The following NPIPB15 variants were observed in gnomAD, a reference collection of about 807,000 sequenced individuals.
NPIPB15 encodes nuclear pore complex interacting protein family member B15, also known as nuclear pore complex-interacting protein family member B15.
NPIPB15 carries 5 observed loss-of-function variants against 35.9 expected under a neutral mutation model. That is an observed-to-expected ratio of 0.14 (90% CI 0.07 to 0.29). The LOEUF is 0.29. Ranked by LOEUF, NPIPB15 falls within the 10% of genes least tolerant of loss-of-function variation. NPIPB15 has a pLI of 1.00. For missense variants in NPIPB15, 100 were observed against 506.1 expected (o/e 0.20, Z 7.70); for synonymous variants, 43 against 182.0 (o/e 0.24, Z 6.15).
At chr16:74,380,976 C>T (rs1366214351) in intron 2 of NPIPB15, among the ~76,000 whole-genome samples, 3 of 151,984 alleles carry the variant, frequency 2.0e-5, no homozygotes, top group African/African-American at 7.3e-5. Flanking sequence ...AACCTCATCT[C>T]TACTAAAAAT....
At position 74,391,425 on chromosome 16, in the gene NPIPB15, C is replaced by T. The variant is rs561651026; in HGVS notation, c.677C>T (p.Ser226Leu). The T allele has an allele frequency of 1.1e-4, 180 of 1,609,330 alleles. No homozygotes were observed. Among genetic ancestry groups the T allele is most frequent in the Non-Finnish European group, 2.4e-5 (28 of 1,179,828 alleles). ...GCGGCAGCGGAGCATCGTCATTCTT[C>T]AGGATTGCCCTGCTGGCCCTACCTC... ...RMAAAEHRHS[S>L]GLPCWPYLTA... is the part of the protein sequence containing the mutation. Residue 226 changes from serine (S) to leucine (L), a missense_variant, in exon 8 of 8, where the codon TCA becomes TTA. Transcript: ENST00000692376.
At position 74,376,509 on chromosome 16, in the gene NPIPB15, T is replaced by G. The variant is rs1394031025; in HGVS notation, c.-860T>G. Among the ~76,000 whole-genome samples the G allele has an allele frequency of 6.7e-6, 1 of 149,888 alleles. No homozygotes were observed. Among genetic ancestry groups the G allele is most frequent in the African/African-American group, 2.5e-5 (1 of 40,792 alleles). On this transcript the variant is annotated 5_prime_UTR_variant, in exon 1 of 8. Coordinates refer to ENST00000692376, the MANE Select transcript of NPIPB15 (RefSeq NM_001306094.2). ...CCTCTGGGTATTGTGGGCAAATACC[T>G]TAGGAGAGAAGCTGATGAACTTTGT...
intron 1 of NPIPB15, among the ~76,000 whole-genome samples, chr16:74,377,578 C>G (rs1209474374): frequency 6.6e-6 from 1 of 152,108 alleles, no homozygotes; most frequent in Non-Finnish European, 1.5e-5. Flanking sequence ...CCTCTAATTG[C>G]TCCTAAGCCT....
At position 74,381,903 on chromosome 16, in the gene NPIPB15, T is replaced by C. The variant is rs544755734; in HGVS notation, c.249+205T>C. On this transcript the variant is annotated intron_variant, in intron 3 of 7. Coordinates refer to ENST00000692376, the MANE Select transcript of NPIPB15 (RefSeq NM_001306094.2). ...ATAGGTCGGTGTTTGTTTAATAGAA[T>C]GTCAACAGAGCTTTTGGTCAAAAAT... 6,948 of 720,528 alleles carry C rather than the reference T, an allele frequency of 9.6e-3. 46 individuals carry two copies. The highest frequency in any genetic ancestry group is 0.019 in the Middle Eastern group (47 of 2,470). The allele number at this position is 720,528 out of a possible 1,614,324, so 44.6% of individuals were successfully genotyped here. A position where few individuals can be genotyped will look rare whatever the true frequency, so the allele number is the denominator to read the frequency against.
At chr16:74,389,063 T>C (rs2012418101) in intron 5 of NPIPB15, among the ~76,000 whole-genome samples, 1 of 148,554 alleles carries the variant, frequency 6.7e-6, no homozygotes, top group Non-Finnish European at 1.5e-5. Flanking sequence ...GAAACTCGGT[T>C]CATACCAGCC....
rs1168966100 is a variant in NPIPB15 at position 74,377,359 on chromosome 16, T to C, written c.-23+13T>C. Among the ~76,000 whole-genome samples, 5 of 152,116 alleles carry C rather than the reference T, an allele frequency of 3.3e-5. No individual in the cohort carries two copies. The East Asian group carries it at 9.7e-4, about 30-fold the overall frequency. The stretch of plus-strand genomic sequence containing the variant: ...GACCAGAAATCAGGTTTGTGAAGGT[T>C]CCAGAGAGGACCTGTCCTTGCGAGG... On this transcript the variant is annotated intron_variant, in intron 1 of 7. Transcript: ENST00000692376.
intron 5 of NPIPB15, among the ~76,000 whole-genome samples, chr16:74,387,676 C>T (rs932956677): frequency 2.0e-5 from 3 of 152,026 alleles, no homozygotes; most frequent in Non-Finnish European, 2.9e-5. Context: ...GGGACAGGAC[C>T]CTGCTCCCAT....
intron 7 of NPIPB15, 30 bp from the exon 8 acceptor site, chr16:74,391,360 TG>T: frequency 6.3e-7 from 1 of 1,594,328 alleles, no homozygotes; most frequent in South Asian, 1.1e-5. Flanking sequence ...AATGAATATG[TG>T]TGAAAACATT....
chr16:74,384,357 AGTAT>A (rs1480619515), intron 3 of NPIPB15, among the ~76,000 whole-genome samples: 1 of 97,610 alleles, frequency 1.0e-5, no homozygotes, highest in Non-Finnish European at 2.0e-5. Context: ...AGTTGTGTGA[AGTAT>A]ATTCATGTCA....
chr16:74,388,526 G>T, intron 5 of NPIPB15: 2 of 944,524 alleles, frequency 2.1e-6, no homozygotes, highest in South Asian at 9.9e-5. Context: ...GCCAGAGTGT[G>T]ATTTTTTTTG....
In NPIPB15 at chr16:74,391,671, C is replaced by G; in HGVS notation, c.923C>G (p.Pro308Arg). The part of the protein sequence containing the change: ...LKEYLLVPLP[P>R]SPLPPSVDDN... ...GAGTATCTCCTGGTCCCTCTTCCAC[C>G]CTCTCCTCTTCCACCCTCAGTGGAT... The change falls in exon 8 of 8, where the codon CCC becomes CGC. Residue 308 changes from proline to arginine, a missense_variant. Transcript: ENST00000692376. The G allele has an allele frequency of 6.3e-7, 1 of 1,590,620 alleles. No individual in the cohort carries two copies. The highest frequency in any genetic ancestry group is 8.5e-7 in the Non-Finnish European group (1 of 1,170,350).
intron 5 of NPIPB15, among the ~76,000 whole-genome samples, chr16:74,389,446 C>T (rs1470304619): frequency 6.7e-6 from 1 of 149,212 alleles, no homozygotes; most frequent in Non-Finnish European, 1.5e-5. Flanking sequence ...GATCTTGGCT[C>T]ACTGCAACCT....
intron 5 of NPIPB15, among the ~76,000 whole-genome samples, chr16:74,386,482 A>G (rs1178371693): frequency 3.1e-4 from 37 of 120,138 alleles, no homozygotes; most frequent in African/African-American, 1.1e-3. Flanking sequence ...TTTTTGAGAC[A>G]GAGTCTCACT....
chr16:74,381,148 C>CAAAAAAA (rs1166274271), intron 2 of NPIPB15, among the ~76,000 whole-genome samples: 100 of 73,694 alleles, frequency 1.4e-3, no homozygotes, highest in African/African-American at 2.7e-3. Context: ...ACTCTGTCTC[C>CAAAAAAA]AAAAAAAAAA....
intron 5 of NPIPB15, chr16:74,388,667 G>A (rs1188523511): frequency 1.0e-6 from 1 of 956,686 alleles, no homozygotes; most frequent in Non-Finnish European, 1.2e-6. Flanking sequence ...ATCCCACATG[G>A]ACTGGTGGAT....
At chr16:74,377,596 C>T (rs1014246735) in intron 1 of NPIPB15, among the ~76,000 whole-genome samples, 7 of 152,054 alleles carry the variant, frequency 4.6e-5, no homozygotes, top group African/African-American at 1.4e-4. Flanking sequence ...CCTCACGCTC[C>T]CTTGCCCCAC....
intron 1 of NPIPB15, among the ~76,000 whole-genome samples, chr16:74,377,581 C>G (rs2011725671): frequency 6.6e-6 from 1 of 152,096 alleles, no homozygotes; most frequent in Non-Finnish European, 1.5e-5. Context: ...CTAATTGCTC[C>G]TAAGCCTCAC....
chr16:74,380,909 G>A (rs1415987719), intron 2 of NPIPB15, among the ~76,000 whole-genome samples: 2 of 152,392 alleles, frequency 1.3e-5, no homozygotes, highest in East Asian at 3.9e-4. Flanking sequence ...ACTTTCAGAG[G>A]CCGAGGCAGG....
chr16:74,378,353 T>G (rs2011792869), intron 2 of NPIPB15, among the ~76,000 whole-genome samples: 1 of 148,756 alleles, frequency 6.7e-6, no homozygotes, highest in South Asian at 2.1e-4. Context: ...GCTGCACTCT[T>G]GTCTCTAACA....
Sources: gnomAD v4.1 joint callset for allele counts (sites outside exome capture counted in the v4.1 genomes callset) on GRCh38, gnomAD v4.1.1 for gene constraint, MANE v1.5 for transcripts, NCBI Gene and HGNC (gene_info 2026-07-23, HGNC 2026-07-21) for gene names.